KCNN2: variants seen among roughly 807,000 people sequenced by gnomAD.
KCNN2 encodes the protein potassium calcium-activated channel subfamily N member 2, also known as small conductance calcium-activated potassium channel protein 2.
KCNN2 carries 24 observed loss-of-function variants against 55.5 expected under a neutral mutation model. The observed-to-expected ratio is 0.43, with a 90% confidence interval of 0.31 to 0.61. The LOEUF is 0.61. Among genes scored for constraint, KCNN2 ranks in the 20% least tolerant of loss-of-function variants. The probability of loss-of-function intolerance (pLI) is 0.08; values close to 1 mark genes in which losing one functional copy is unlikely to be tolerated. For missense variants in KCNN2, 754 were observed against 853.6 expected, an observed-to-expected ratio of 0.88 and a Z score of 1.45; for synonymous variants, 431 against 336.1, an observed-to-expected ratio of 1.28 and a Z score of -3.09.
At chr5:114,208,716 C>G (rs1277027422) in intron 1 of KCNN2, among the ~76,000 whole-genome samples, 2 of 152,196 alleles carry the variant, frequency 1.3e-5, no homozygotes, top group African/African-American at 4.8e-5. Flanking sequence ...GGGTAAGCAT[C>G]TTGTTTGTGT....
chr5:114,134,741 C>T (rs1027103705), intron 1 of KCNN2, among the ~76,000 whole-genome samples: 3 of 152,100 alleles, frequency 2.0e-5, no homozygotes, highest in Non-Finnish European at 2.9e-5. Context: ...TCCCAAAGTG[C>T]TGGAATTACA....
intron 1 of KCNN2, among the ~76,000 whole-genome samples, chr5:114,062,028 A>G (rs2112511529): frequency 6.6e-6 from 1 of 152,276 alleles, no homozygotes; most frequent in Middle Eastern, 3.4e-3. Flanking sequence ...TCAAATATTT[A>G]GACATCTTCT....
intron 2 of KCNN2, among the ~76,000 whole-genome samples, chr5:114,237,829 G>T (rs1439620387): frequency 2.6e-5 from 4 of 152,188 alleles, no homozygotes; most frequent in Non-Finnish European, 4.4e-5. Context: ...CCTTCTACGG[G>T]TTGGGAGAGG....
rs773920356 is a variant in KCNN2, at chr5:114,290,577, T to C, written c.-185+69012T>C. 9.7e-4 allele frequency among the ~76,000 whole-genome samples: 148 copies of C among 152,082 alleles called. 2 individuals carry two copies. The highest frequency in any genetic ancestry group is 3.4e-4 in the Non-Finnish European group (23 of 68,002). On this transcript the variant is annotated intron_variant, in intron 2 of 10. Transcript: ENST00000512097. ...TTTATTTTCTTCATTATTTTTCTTG[T>C]CACTATTCTCTAATTTTTATTATTA...
At chr5:114,206,892 G>A (rs1416059300) in intron 1 of KCNN2, among the ~76,000 whole-genome samples, 1 of 151,918 alleles carries the variant, frequency 6.6e-6, no homozygotes, top group East Asian at 1.9e-4. Context: ...TTCCTCCCCA[G>A]CCAAGCTAAT....
intron 2 of KCNN2, among the ~76,000 whole-genome samples, chr5:114,394,454 G>T (rs1580785547): frequency 6.6e-6 from 1 of 152,216 alleles, no homozygotes; most frequent in South Asian, 2.1e-4. Context: ...CTTTATTGTA[G>T]TTTTAGTTAA....
At chr5:114,161,051 T>C (rs1295143449) in intron 1 of KCNN2, among the ~76,000 whole-genome samples, 2 of 152,220 alleles carry the variant, frequency 1.3e-5, no homozygotes, top group Non-Finnish European at 2.9e-5. Context: ...GTCATTATGA[T>C]GTTAGCTGTT....
intron 2 of KCNN2, among the ~76,000 whole-genome samples, chr5:114,286,896 C>G (rs1755765581): frequency 6.6e-6 from 1 of 152,068 alleles, no homozygotes; most frequent in Non-Finnish European, 1.5e-5. Flanking sequence ...ACGGAAGTGT[C>G]TATTAAGCAG....
At chr5:114,306,232 C>A (rs1310337100) in intron 2 of KCNN2, among the ~76,000 whole-genome samples, 1 of 152,180 alleles carries the variant, frequency 6.6e-6, no homozygotes, top group Non-Finnish European at 1.5e-5. Context: ...GATCTGCCTG[C>A]CAAGTGCCAC....
chr5:114,318,077 T>C (rs3104221), intron 2 of KCNN2, among the ~76,000 whole-genome samples: 7,581 of 152,306 alleles, frequency 0.05, 646 homozygotes, highest in African/African-American at 0.17. Flanking sequence ...ATCTCTGCAC[T>C]ATACTGATTG....
At chr5:114,411,925 C>T (rs1362593127) in intron 3 of KCNN2, among the ~76,000 whole-genome samples, 3 of 152,168 alleles carry the variant, frequency 2.0e-5, no homozygotes, top group Non-Finnish European at 2.9e-5. Context: ...TGGAATATTA[C>T]AGTCAAATCA....
In KCNN2 at chr5:114,232,213, A is replaced by G. The variant is rs998600408; in HGVS notation, c.-185+10648A>G. Among the ~76,000 whole-genome samples, 41 of 151,052 alleles carry G rather than the reference A, an allele frequency of 2.7e-4. 1 individual carries two copies. The highest frequency in any genetic ancestry group is 2.1e-3 in the Admixed American group (32 of 15,232). On this transcript the variant is annotated intron_variant, in intron 2 of 10. Transcript: ENST00000512097. The stretch of plus-strand genomic sequence containing the variant: ...TTATTCAGGCAAGAGGCGTCATTGA[A>G]TAGAGGATTAATGGTCTCGTCTGAA...
chr5:114,482,194 C>T (rs1762258947), intron 5 of KCNN2, among the ~76,000 whole-genome samples: 1 of 151,544 alleles, frequency 6.6e-6, no homozygotes, highest in Admixed American at 6.6e-5. Flanking sequence ...GAAAAAAATA[C>T]CCATTAAAAA....
chr5:114,440,687 T>TG (rs1158090840), intron 3 of KCNN2, among the ~76,000 whole-genome samples: 63 of 13,204 alleles, frequency 4.8e-3, no homozygotes, highest in Admixed American at 0.013. Flanking sequence ...GGGGTGGGGG[T>TG]GGGGGGGGCT....
intron 2 of KCNN2, among the ~76,000 whole-genome samples, chr5:114,228,509 G>T (rs1021970659): frequency 2.0e-5 from 3 of 151,998 alleles, no homozygotes; most frequent in Admixed American, 2.0e-4. Context: ...GTTTTATTAT[G>T]ATGTAGTCTG....
At chr5:114,073,212 G>C (rs1435520688) in intron 1 of KCNN2, among the ~76,000 whole-genome samples, 1 of 152,198 alleles carries the variant, frequency 6.6e-6, no homozygotes, top group African/African-American at 2.4e-5. Context: ...ATGTGCCCTA[G>C]AGATTTAGAC....
intron 2 of KCNN2, among the ~76,000 whole-genome samples, chr5:114,327,789 T>TA (rs557562993): frequency 4.9e-4 from 74 of 152,206 alleles, no homozygotes; most frequent in Non-Finnish European, 7.9e-4. Flanking sequence ...CACTTTTAAA[T>TA]AGAGTGTTCA....
chr5:114,101,409 G>A (rs1366893524), intron 1 of KCNN2, among the ~76,000 whole-genome samples: 1 of 130,648 alleles, frequency 7.7e-6, no homozygotes, highest in Non-Finnish European at 1.6e-5. Flanking sequence ...ACCATCTATG[G>A]TTTTCTTTTT....
intron 7 of KCNN2, among the ~76,000 whole-genome samples, chr5:114,494,550 A>C (rs1258485602): frequency 6.6e-6 from 1 of 152,020 alleles, no homozygotes; most frequent in East Asian, 1.9e-4. Flanking sequence ...AAAAAAAGAT[A>C]GGGCAAGCTC....
Sources: allele counts gnomAD v4.1 joint callset (sites outside exome capture counted in the v4.1 genomes callset), GRCh38; gene constraint gnomAD v4.1.1; transcripts MANE v1.5; gene names NCBI Gene and HGNC (gene_info 2026-07-23, HGNC 2026-07-21).